The following CUL4B variants were observed in gnomAD, a reference collection of about 807,000 sequenced individuals.
CUL4B encodes cullin 4B.
CUL4B carries 1 observed loss-of-function variant against 69.2 expected under a neutral mutation model. The observed-to-expected ratio is 0.01, with a 90% CI of 0.01 to 0.07. The LOEUF is 0.07. Ranked by LOEUF, CUL4B falls within the 10% of genes least tolerant of loss-of-function variation. The probability of loss-of-function intolerance (pLI) is 1.00; values close to 1 mark genes in which losing one functional copy is unlikely to be tolerated. For missense variants in CUL4B, 328 were observed against 638.8 expected (o/e 0.51, Z 5.24); for synonymous variants, 237 against 223.2 (o/e 1.06, Z -0.55).
chrX:120,560,596 C>T lies in CUL4B; in HGVS notation c.43G>A (p.Ala15Thr), dbSNP rs1925231122. Residue 15 changes from alanine to threonine, a missense_variant, in exon 1 of 20, where the codon GCT (alanine) becomes ACT (threonine). Coordinates refer to ENST00000371322, the MANE Select transcript of CUL4B (RefSeq NM_001079872.2). ...GCAGATCTGACCTCCTGAGCAGCAG[C>T]AGCAGCTGAGGGACTGGGGGAAGAA... ...GFSSPSPSAAAAAQEVRSATD... is the reference protein window; with the variant it reads ...GFSSPSPSAATAAQEVRSATD... 8.3e-7 allele frequency: 1 copy of T among 1,208,098 alleles called. No homozygotes were observed. Among genetic ancestry groups the T allele is most frequent in the African/African-American group, 1.7e-5 (1 of 57,717 alleles).
At chrX:120,541,797 T>G in intron 9 of CUL4B, 77 bp from the exon 10 acceptor site, 1 of 657,276 alleles carries the variant, frequency 1.5e-6, no homozygotes, top group Admixed American at 2.2e-5. Flanking sequence ...TTTAATAAAA[T>G]TTGAGTTATA....
intron 1 of CUL4B, among the ~76,000 whole-genome samples, chrX:120,558,961 C>T (rs1250855646): frequency 9.0e-6 from 1 of 111,115 alleles, no homozygotes; most frequent in Admixed American, 9.6e-5. Context: ...CTTCAGAAAG[C>T]TCTACTATTA....
At position 120,527,611 on chromosome X, in the gene CUL4B, G is replaced by C. The variant is rs184295959; in HGVS notation, c.2593-755C>G. On this transcript the variant is annotated intron_variant, in intron 19 of 19. Coordinates refer to ENST00000371322, the MANE Select transcript of CUL4B (RefSeq NM_001079872.2). ...TACATAGTGAGATACCATGGAGATG[G>C]GACCCAAGTCTAAACACAAAATTCA... Among the ~76,000 whole-genome samples the C allele has an allele frequency of 7.1e-4, 79 of 110,679 alleles. 1 individual carries two copies. Among genetic ancestry groups the C allele is most frequent in the Admixed American group, 6.3e-3 (65 of 10,360 alleles).
chrX:120,571,242 A>G (rs1249681228), exon 3 of CUL4B: 1 of 111,653 alleles, frequency 9.0e-6, no homozygotes, highest in East Asian at 2.8e-4. Flanking sequence ...TTTTGTATGT[A>G]TTAAAATTAC....
chrX:120,573,229 C>T (rs1221047063), intron 2 of CUL4B, among the ~76,000 whole-genome samples: 3 of 111,279 alleles, frequency 2.7e-5, no homozygotes, highest in Non-Finnish European at 3.8e-5. Context: ...TATAGCTCTA[C>T]AATTTGCTTT....
intron 1 of CUL4B, chrX:120,574,742 T>C (rs757605130): frequency 6.3e-6 from 4 of 639,972 alleles, no homozygotes; most frequent in Non-Finnish European, 1.0e-5. Context: ...ATTTGTTCCA[T>C]ATCTTCAAGG....
rs188410911 is a variant in CUL4B at position 120,552,438 on chromosome X, G to C, written c.673-5199C>G. On this transcript the variant is annotated intron_variant, in intron 2 of 19. Transcript: ENST00000371322. ...GTTGGGATTTCAGGCGTCAGCCACC[G>C]CACCCAGCCTTACAAGTCTTTTTAA... 1.2e-4 allele frequency among the ~76,000 whole-genome samples: 14 copies of C among 112,623 alleles called. No homozygotes were observed. In the East Asian group the frequency reaches 3.6e-3, roughly 29 times the overall value.
At chrX:120,538,589 T>C (rs990851596) in intron 13 of CUL4B, 71 bp downstream of exon 13, 7 of 718,748 alleles carry the variant, frequency 9.7e-6, no homozygotes, top group Admixed American at 2.2e-5. Flanking sequence ...AGGAAATCGA[T>C]TGAAAGGGTA....
Position 120,524,951 on chromosome X carries a change from T to C in CUL4B, c.*1810A>G, listed in dbSNP as rs760983037. On this transcript the variant is annotated 3_prime_UTR_variant, in exon 20 of 20. Coordinates refer to ENST00000371322, the MANE Select transcript of CUL4B (RefSeq NM_001079872.2). ...GAGTAACTTGAATCTTGTGTAATAG[T>C]CTACATCTCACAGACCATCAGGGAT... is the stretch of plus-strand genomic sequence containing the variant. 8.9e-6 allele frequency: 1 copy of C among 111,811 alleles called. No homozygotes were observed. Among genetic ancestry groups the C allele is most frequent in the Non-Finnish European group, 1.9e-5 (1 of 53,127 alleles). The allele number at this position is 111,811 out of a possible 1,213,427, so 9.2% of individuals were successfully genotyped here. A position where few individuals can be genotyped will look rare whatever the true frequency, so the allele number is the denominator to read the frequency against.
intron 2 of CUL4B, among the ~76,000 whole-genome samples, chrX:120,557,505 TAAG>T (rs752181556): frequency 1.8e-5 from 2 of 111,748 alleles, no homozygotes; most frequent in South Asian, 7.4e-4. Context: ...AGTCTACTAT[TAAG>T]AAGGAGGTAG....
chrX:120,560,466 A>C lies in CUL4B; in HGVS notation c.173T>G (p.Phe58Cys). ...SSNSSNERED[F>C]DSTSSSSSTP... is the part of the protein sequence containing the mutation. ...GGAAGAGGAGGAAGAGGTGGAATCA[A>C]AGTCTTCTCTCTCGTTACTACTGTT... Residue 58 changes from phenylalanine to cysteine, a missense_variant, in exon 1 of 20, where the codon TTT (phenylalanine) becomes TGT (cysteine). Phe to Cys is a radical substitution (Grantham distance 205, BLOSUM62 -2). Transcript: ENST00000371322. 1 of 1,209,735 alleles carries C rather than the reference A, an allele frequency of 8.3e-7. No homozygotes were observed. The highest frequency in any genetic ancestry group is 1.1e-6 in the Non-Finnish European group (1 of 894,046).
At chrX:120,531,942 A>C (rs752013506) in intron 18 of CUL4B, among the ~76,000 whole-genome samples, 2 of 111,255 alleles carry the variant, frequency 1.8e-5, no homozygotes, top group Non-Finnish European at 3.8e-5. Context: ...TTATGTACTA[A>C]GACTCCTAAA....
downstream of CUL4B, among the ~76,000 whole-genome samples, chrX:120,569,772 G>T (rs776698914): frequency 5.1e-4 from 57 of 111,712 alleles, no homozygotes; most frequent in Non-Finnish European, 8.1e-4. Flanking sequence ...CCCAGCCTAG[G>T]AGGGTGAGGT....
At position 120,526,759 on chromosome X, in the gene CUL4B, T is replaced by G; in HGVS notation, c.*2A>C. On this transcript the variant is annotated 3_prime_UTR_variant, in exon 20 of 20. Coordinates refer to ENST00000371322, the MANE Select transcript of CUL4B (RefSeq NM_001079872.2). ...GACACCAAATGCTGCAAGGCCAACA[T>G]TCTATGCAATATAGTTGTACTGGTT... The G allele has an allele frequency of 2.6e-6, 3 of 1,158,868 alleles. No homozygotes were observed. Among genetic ancestry groups the G allele is most frequent in the Non-Finnish European group, 3.5e-6 (3 of 851,139 alleles).
At chrX:120,540,677 A>G (rs759897080) in intron 10 of CUL4B, 115 bp from the exon 11 acceptor site, 25 of 568,150 alleles carry the variant, frequency 4.4e-5, no homozygotes, top group Non-Finnish European at 6.6e-5. Context: ...AGTAAGATAA[A>G]GCTATTTTTA....
chrX:120,539,265 T>C lies in CUL4B; in HGVS notation c.1741+3A>G. ...AAATATTAAAACATTAGTAAATACT[T>C]ACCATAGATAAATCTAAATATGATC... is the stretch of plus-strand genomic sequence containing the variant. On this transcript the variant is annotated splice_donor_region_variant and intron_variant, in intron 12 of 19. Transcript: ENST00000371322. 1.9e-6 allele frequency: 2 copies of C among 1,034,509 alleles called. No homozygotes were observed. The highest frequency in any genetic ancestry group is 2.7e-6 in the Non-Finnish European group (2 of 745,445). The allele number at this position is 1,034,509 out of a possible 1,213,427, so 85.3% of individuals were successfully genotyped here.
chrX:120,531,127 G>C (rs749725544), intron 18 of CUL4B, among the ~76,000 whole-genome samples: 1 of 110,286 alleles, frequency 9.1e-6, no homozygotes, highest in East Asian at 2.9e-4. Context: ...TTCAAGACCT[G>C]CCTGGTCAAT....
intron 10 of CUL4B, 50 bp downstream of exon 10, chrX:120,541,552 A>G (rs1266301476): frequency 2.5e-6 from 2 of 816,182 alleles, no homozygotes; most frequent in Non-Finnish European, 3.7e-6. Context: ...TGCACTCTTG[A>G]TGTGTAGATA....
chrX:120,561,450 G>A (rs1232432983), upstream of CUL4B: 6 of 529,089 alleles, frequency 1.1e-5, no homozygotes, highest in African/African-American at 9.6e-5. Flanking sequence ...GTGGGGGGGG[G>A]AAGGGGGGAG....
Sources: allele counts gnomAD v4.1 joint callset (sites outside exome capture counted in the v4.1 genomes callset), GRCh38; gene constraint gnomAD v4.1.1; transcripts MANE v1.5; gene names NCBI Gene and HGNC (gene_info 2026-07-23, HGNC 2026-07-21).